DUSP15: variants seen among roughly 807,000 people sequenced by gnomAD.
DUSP15 encodes the protein dual specificity protein phosphatase 15.
DUSP15 carries 23 observed loss-of-function variants against 26.3 expected under a neutral mutation model. That is an observed-to-expected ratio of 0.87 (90% CI 0.63 to 1.24). The LOEUF is 1.24. DUSP15 is among the 50% of genes most tolerant of loss of function. DUSP15 has a pLI of 0.00. For synonymous variants in DUSP15, 143 were observed against 135.5 expected (o/e 1.06, Z -0.39); for missense variants, 364 against 320.6 (o/e 1.14, Z -1.03).
At position 31,848,273 on chromosome 20, in the gene DUSP15, G is replaced by A. The variant is rs2062399789; in HGVS notation, c.*131C>T. The A allele has an allele frequency of 2.8e-6, 3 of 1,070,228 alleles. No homozygotes were observed. The South Asian group carries it at 5.1e-5, about 18-fold the overall frequency. 66.3% of individuals were successfully genotyped at this position (1,070,228 alleles called of 1,614,324 possible). A position where few individuals can be genotyped will look rare whatever the true frequency, so the allele number is the denominator to read the frequency against. On this transcript the variant is annotated 3_prime_UTR_variant, in exon 10 of 10. Transcript: ENST00000278979. ...CGAGTTCCGGGGCCCCGTGACAGAG[G>A]AGTGGAAGGCCGCGATCCACCTCTG...
chr20:31,853,009 T>G (rs2062499952), intron 6 of DUSP15, among the ~76,000 whole-genome samples: 1 of 152,130 alleles, frequency 6.6e-6, no homozygotes, highest in Admixed American at 6.5e-5. Context: ...GGGGGGCATT[T>G]GGGGAGGAAT....
Position 31,861,215 on chromosome 20 carries a change from G to C in DUSP15, c.*188C>G. On this transcript the variant is annotated 3_prime_UTR_variant, in exon 7 of 7. Transcript: ENST00000339738. ...CCAGGTGGCTGCAGCAGGCCGGCCC[G>C]GACACAGAGACGCACAGGTTGGGGA... is the stretch of plus-strand genomic sequence containing the variant. 7.5e-7 allele frequency: 1 copy of C among 1,340,462 alleles called. No homozygotes were observed. Among genetic ancestry groups the C allele is most frequent in the Non-Finnish European group, 9.5e-7 (1 of 1,051,416 alleles). 83.0% of individuals were successfully genotyped at this position (1,340,462 alleles called of 1,614,324 possible).
Position 31,867,112 on chromosome 20 carries a change from G to A in DUSP15, c.97C>T (p.His33Tyr). ...LDQLGRNKIT[H>Y]IISIHESPQP... Reference sequence around the variant, plus strand: ...GGTGACTCATGGATAGAGATGATGTGTGTGATCTTATTTCGGCCCAGCTGA... The same window carrying A: ...GGTGACTCATGGATAGAGATGATGTATGTGATCTTATTTCGGCCCAGCTGA... Residue 33 changes from histidine to tyrosine, a missense_variant, in exon 3 of 7, where the codon CAC becomes TAC. Transcript: ENST00000339738. The A allele has an allele frequency of 6.3e-7, 1 of 1,592,510 alleles. No individual in the cohort carries two copies. Among genetic ancestry groups the A allele is most frequent in the Non-Finnish European group, 8.6e-7 (1 of 1,168,900 alleles).
intron 6 of DUSP15, among the ~76,000 whole-genome samples, 165 bp downstream of exon 6, chr20:31,862,406 C>A (rs976267689): frequency 2.0e-5 from 3 of 152,188 alleles, no homozygotes; most frequent in South Asian, 4.1e-4. Flanking sequence ...GGCTGTCTAA[C>A]AAAATACACC....
At chr20:31,850,771 G>C in intron 6 of DUSP15, 1 of 1,301,226 alleles carries the variant, frequency 7.7e-7, no homozygotes, top group South Asian at 1.3e-5. Flanking sequence ...GCTGGGTGAG[G>C]AGACCCAGTC....
At position 31,870,181 on chromosome 20, in the gene DUSP15, C is replaced by G; in HGVS notation, c.21+136G>C. On this transcript the variant is annotated intron_variant, in intron 1 of 6. Coordinates refer to ENST00000339738, the MANE Select transcript of DUSP15 (RefSeq NM_080611.5). This position sits in a 1 kb window ranked among gnomAD's most constrained non-coding sequence, Gnocchi z 6.6. Reference sequence around the variant, plus strand: ...AGACCCGACAGCCGCGGTCTCGAGTCACAGGGACACGGAGATGCCGCCGCA... The same window carrying G: ...AGACCCGACAGCCGCGGTCTCGAGTGACAGGGACACGGAGATGCCGCCGCA... 1 of 1,226,220 alleles carries G rather than the reference C, an allele frequency of 8.2e-7. No individual in the cohort carries two copies. The allele number at this position is 1,226,220 out of a possible 1,614,324, so 76.0% of individuals were successfully genotyped here.
At chr20:31,869,982 C>G (rs1409796478) in intron 1 of DUSP15, 1 of 1,342,370 alleles carries the variant, frequency 7.4e-7, no homozygotes, top group Non-Finnish European at 9.5e-7. Context: ...GAGAAACAGC[C>G]CCGGAGAGAG....
chr20:31,853,055 C>T (rs2062500335), intron 6 of DUSP15, among the ~76,000 whole-genome samples: 1 of 152,140 alleles, frequency 6.6e-6, no homozygotes, highest in Non-Finnish European at 1.5e-5. Flanking sequence ...GGATGAGAAT[C>T]TGCCCTGCCC....
downstream of DUSP15, among the ~76,000 whole-genome samples, chr20:31,846,075 C>G (rs1165337926): frequency 6.6e-6 from 1 of 151,336 alleles, no homozygotes; most frequent in Non-Finnish European, 1.5e-5. Context: ...CATACACGTA[C>G]AGACACACAG....
chr20:31,864,426 C>A, intron 4 of DUSP15: 1 of 1,036,150 alleles, frequency 9.7e-7, no homozygotes, highest in Non-Finnish European at 1.2e-6. Context: ...AGCGGGGAGG[C>A]ACTACTGCTG....
chr20:31,869,692 T>C (rs542617798), intron 1 of DUSP15, 95 bp from the exon 2 acceptor site: 316 of 1,551,698 alleles, frequency 2.0e-4, no homozygotes, highest in African/African-American at 6.8e-5. Context: ...CTCTGTCCCA[T>C]GAAGGGTATG....
downstream of DUSP15, among the ~76,000 whole-genome samples, chr20:31,847,390 G>T (rs2062387912): frequency 6.6e-6 from 1 of 152,164 alleles, no homozygotes; most frequent in East Asian, 1.9e-4. Context: ...CTGTTTTGCT[G>T]TACCCCCAGA....
At chr20:31,854,809 A>G (rs1200122736) in intron 6 of DUSP15, among the ~76,000 whole-genome samples, 1 of 152,178 alleles carries the variant, frequency 6.6e-6, no homozygotes, top group African/African-American at 2.4e-5. Flanking sequence ...TATGTTCTAT[A>G]AAGTTCCCAT....
chr20:31,853,466 G>A (rs2123199929), intron 6 of DUSP15, among the ~76,000 whole-genome samples: 1 of 151,900 alleles, frequency 6.6e-6, no homozygotes, highest in East Asian at 2.0e-4. Flanking sequence ...AATCTTTTAG[G>A]GTCAGAGAAC....
In DUSP15 at chr20:31,861,241, C is replaced by T; in HGVS notation, c.*162G>A. On this transcript the variant is annotated 3_prime_UTR_variant, in exon 7 of 7. Transcript: ENST00000339738. ...GACACAGAGACGCACAGGTTGGGGACGCTGACTGCAGACGCGGACGAGCAG... is the reference window on the plus strand; with the variant it reads ...GACACAGAGACGCACAGGTTGGGGATGCTGACTGCAGACGCGGACGAGCAG... 1 of 1,362,360 alleles carries T rather than the reference C, an allele frequency of 7.3e-7. No homozygotes were observed. Among genetic ancestry groups the T allele is most frequent in the Non-Finnish European group, 9.4e-7 (1 of 1,064,628 alleles). 84.4% of individuals were successfully genotyped at this position (1,362,360 alleles called of 1,614,324 possible).
At position 31,861,152 on chromosome 20, in the gene DUSP15, A is replaced by T; in HGVS notation, c.*251T>A. On this transcript the variant is annotated 3_prime_UTR_variant, in exon 7 of 7. Transcript: ENST00000339738. The stretch of plus-strand genomic sequence containing the variant: ...CCCTCCCTCCCCTCCCGCCGCCTTT[A>T]AGGGTGGGCCCCCTCCCCCAGCCCA... 5 of 1,280,066 alleles carry T rather than the reference A, an allele frequency of 3.9e-6. No individual in the cohort carries two copies. Among genetic ancestry groups the T allele is most frequent in the African/African-American group, 1.6e-5 (1 of 63,710 alleles). 79.3% of individuals were successfully genotyped at this position (1,280,066 alleles called of 1,614,324 possible).
chr20:31,848,686 A>G, intron 9 of DUSP15: 1 of 1,457,646 alleles, frequency 6.9e-7, no homozygotes. Context: ...GTAGGGTCCT[A>G]CAGACCCGAG....
At chr20:31,855,610 G>A (rs1016619103) in intron 6 of DUSP15, among the ~76,000 whole-genome samples, 3 of 152,160 alleles carry the variant, frequency 2.0e-5, no homozygotes, top group Non-Finnish European at 2.9e-5. Flanking sequence ...AGGATGGGGA[G>A]GCCAGCCCCC....
intron 5 of DUSP15, among the ~76,000 whole-genome samples, chr20:31,862,975 C>T (rs940426863): frequency 6.6e-6 from 1 of 152,176 alleles, no homozygotes; most frequent in African/African-American, 2.4e-5. Flanking sequence ...TTCATTCAGT[C>T]AATAAATATG....
Sources: gnomAD v4.1 joint callset for allele counts (sites outside exome capture counted in the v4.1 genomes callset) on GRCh38, gnomAD v4.1.1 for gene constraint, Gnocchi (gnomAD v3.1) non-coding constraint, MANE v1.5 for transcripts, NCBI Gene and HGNC (gene_info 2026-07-23, HGNC 2026-07-21) for gene names.